The following NUFIP2 variants were observed in gnomAD, a reference collection of about 807,000 sequenced individuals.
The protein encoded by NUFIP2 is FMR1-interacting protein NUFIP2.
A neutral mutation model predicts 56.9 loss-of-function variants in NUFIP2; 6 were observed. The observed-to-expected ratio is 0.11, with a 90% confidence interval of 0.06 to 0.21. NUFIP2 has a LOEUF of 0.21. NUFIP2 is among the 10% of genes least tolerant of loss of function. NUFIP2 has a pLI of 1.00. For missense variants in NUFIP2, 828 were observed against 826.8 expected (o/e 1.00, Z -0.02); for synonymous variants, 321 against 298.2 (o/e 1.08, Z -0.79).
chr17:29,266,777 A>C (rs2069039666), intron 3 of NUFIP2, among the ~76,000 whole-genome samples: 1 of 151,814 alleles, frequency 6.6e-6, no homozygotes, highest in Non-Finnish European at 1.5e-5. Flanking sequence ...AATCATTCAT[A>C]TCTTCATCTA....
intron 2 of NUFIP2, among the ~76,000 whole-genome samples, chr17:29,272,799 T>C (rs749915015): frequency 5.3e-5 from 8 of 152,108 alleles, no homozygotes; most frequent in Non-Finnish European, 8.8e-5. Flanking sequence ...TTTTGGATCT[T>C]AGATTCTCAG....
chr17:29,270,425 G>C (rs1305718658), intron 2 of NUFIP2, among the ~76,000 whole-genome samples: 1 of 151,506 alleles, frequency 6.6e-6, no homozygotes. Context: ...AAACAACGAG[G>C]AACAGTTAAA....
At chr17:29,275,069 G>A (rs2069099042) in intron 2 of NUFIP2, among the ~76,000 whole-genome samples, 1 of 151,520 alleles carries the variant, frequency 6.6e-6, no homozygotes, top group Non-Finnish European at 1.5e-5. Context: ...TCATTACCCA[G>A]GCTGGAATGC....
chr17:29,275,431 CAG>C, intron 2 of NUFIP2, among the ~76,000 whole-genome samples: 1 of 152,202 alleles, frequency 6.6e-6, no homozygotes, highest in Middle Eastern at 3.4e-3. Flanking sequence ...ATTTGAGAAA[CAG>C]AGAATGACCC....
At chr17:29,275,205 G>A (rs1039895986) in intron 2 of NUFIP2, among the ~76,000 whole-genome samples, 2 of 151,590 alleles carry the variant, frequency 1.3e-5, no homozygotes, top group African/African-American at 4.9e-5. Context: ...TATTTTTTTT[G>A]TACATACAGG....
rs1376588457 is a variant in NUFIP2, at chr17:29,293,764, C to G, written c.277+19G>C. On this transcript the variant is annotated intron_variant, in intron 1 of 3. Coordinates refer to ENST00000225388, the MANE Select transcript of NUFIP2 (RefSeq NM_020772.3). The stretch of plus-strand genomic sequence containing the variant: ...CTCCACCCCCAACCCCCTTCCCCCA[C>G]CCGTCCTCCCTCCCAGACCTGTTTT... The G allele has an allele frequency of 6.5e-7, 1 of 1,538,754 alleles. No homozygotes were observed. The highest frequency in any genetic ancestry group is 2.3e-5 in the East Asian group (1 of 43,998).
rs1447504421 is a variant in NUFIP2 at position 29,256,278 on chromosome 17, A to G, written c.*8261T>C. 1.3e-5 allele frequency: 2 copies of G among 152,230 alleles called. No homozygotes were observed. The highest frequency in any genetic ancestry group is 2.9e-5 in the Non-Finnish European group (2 of 68,048). The allele number at this position is 152,230 out of a possible 1,614,324, so 9.4% of individuals were successfully genotyped here. ...TGCCTCTGCACGAGACAGAGAAATT[A>G]CTTCACTCCTCCAGTAGGTTCTAAG... is the stretch of plus-strand genomic sequence containing the variant. On this transcript the variant is annotated 3_prime_UTR_variant, in exon 4 of 4. Coordinates refer to ENST00000225388, the MANE Select transcript of NUFIP2 (RefSeq NM_020772.3).
rs1282071489 is a variant in NUFIP2 at position 29,259,720 on chromosome 17, A to G, written c.*4819T>C. 1 of 152,188 alleles carries G rather than the reference A, an allele frequency of 6.6e-6. No individual in the cohort carries two copies. Among genetic ancestry groups the G allele is most frequent in the Non-Finnish European group, 1.5e-5 (1 of 68,036 alleles). The allele number at this position is 152,188 out of a possible 1,614,324, so 9.4% of individuals were successfully genotyped here. On this transcript the variant is annotated 3_prime_UTR_variant, in exon 4 of 4. Transcript: ENST00000225388. ...TGAGGACGGCCATTCCATAGTTTCT[A>G]GCCCATAACTGATTTACCATTCCCA...
chr17:29,278,049 A>G (rs1351802114), intron 2 of NUFIP2, among the ~76,000 whole-genome samples: 1 of 152,074 alleles, frequency 6.6e-6, no homozygotes, highest in Non-Finnish European at 1.5e-5. Flanking sequence ...GAAATACAGC[A>G]TGCTTTCAAG....
At chr17:29,274,048 T>C (rs891630163) in intron 2 of NUFIP2, among the ~76,000 whole-genome samples, 1 of 152,092 alleles carries the variant, frequency 6.6e-6, no homozygotes, top group East Asian at 1.9e-4. Flanking sequence ...GAGCTTACTC[T>C]AGTAAGCAAC....
intron 2 of NUFIP2, among the ~76,000 whole-genome samples, chr17:29,281,626 C>A (rs2069139989): frequency 2.0e-5 from 3 of 149,760 alleles, no homozygotes; most frequent in Non-Finnish European, 4.4e-5. Context: ...CAGTTCCAGG[C>A]TGCAATGAGC....
At chr17:29,272,460 T>C (rs975828632) in intron 2 of NUFIP2, among the ~76,000 whole-genome samples, 1 of 152,160 alleles carries the variant, frequency 6.6e-6, no homozygotes, top group African/African-American at 2.4e-5. Flanking sequence ...CAGGATGGTC[T>C]CGATCTCCTG....
intron 2 of NUFIP2, among the ~76,000 whole-genome samples, chr17:29,277,471 G>GGGAT (rs1406560245): frequency 6.6e-6 from 1 of 152,026 alleles, no homozygotes; most frequent in Non-Finnish European, 1.5e-5. Context: ...CCCTTATTAA[G>GGGAT]CCATTTTGGA....
intron 1 of NUFIP2, among the ~76,000 whole-genome samples, chr17:29,292,100 C>G (rs1032483065): frequency 3.6e-4 from 55 of 152,310 alleles, no homozygotes; most frequent in Non-Finnish European, 2.8e-4. Context: ...TCGTGAAATA[C>G]TTTCTTACAT....
intron 1 of NUFIP2, among the ~76,000 whole-genome samples, chr17:29,293,541 G>A (rs1005868525): frequency 2.6e-5 from 4 of 152,114 alleles, no homozygotes; most frequent in Non-Finnish European, 4.4e-5. Context: ...CTTCAGCCGG[G>A]GCCGGGGCCA....
At chr17:29,267,837 G>C (rs2153010909) in intron 2 of NUFIP2, among the ~76,000 whole-genome samples, 1 of 152,134 alleles carries the variant, frequency 6.6e-6, no homozygotes, top group Non-Finnish European at 1.5e-5. Flanking sequence ...TTTTTTCTTT[G>C]GTAGAGATGG....
At chr17:29,272,889 G>A (rs1291039991) in intron 2 of NUFIP2, among the ~76,000 whole-genome samples, 2 of 148,680 alleles carry the variant, frequency 1.3e-5, no homozygotes, top group Non-Finnish European at 1.5e-5. Flanking sequence ...TCTTGCTGTC[G>A]CCCAGGCTGA....
Position 29,256,412 on chromosome 17 carries a change from T to G in NUFIP2, c.*8127A>C, listed in dbSNP as rs2068971630. The G allele has an allele frequency of 6.6e-6, 1 of 152,196 alleles. No individual in the cohort carries two copies. Among genetic ancestry groups the G allele is most frequent in the Non-Finnish European group, 1.5e-5 (1 of 68,026 alleles). 9.4% of individuals were successfully genotyped at this position (152,196 alleles called of 1,614,324 possible). A position where few individuals can be genotyped will look rare whatever the true frequency, so the allele number is the denominator to read the frequency against. ...GCCTTTTAAGGCCATGCAATTAATA[T>G]GGGTCACCTTTTAAGTCTTAACTGG... On this transcript the variant is annotated 3_prime_UTR_variant, in exon 4 of 4. Transcript: ENST00000225388.
chr17:29,268,027 T>G (rs2069049001), intron 2 of NUFIP2, among the ~76,000 whole-genome samples: 1 of 152,082 alleles, frequency 6.6e-6, no homozygotes, highest in Admixed American at 6.5e-5. Flanking sequence ...ACCTCCCGAG[T>G]AGCTGGGATT....
Sources: allele counts gnomAD v4.1 joint callset (sites outside exome capture counted in the v4.1 genomes callset), GRCh38; gene constraint gnomAD v4.1.1; transcripts MANE v1.5; gene names NCBI Gene and HGNC (gene_info 2026-07-23, HGNC 2026-07-21).